The following KDM4C variants were observed in gnomAD, a reference collection of about 807,000 sequenced individuals.
KDM4C encodes the protein lysine-specific demethylase 4C.
Under a neutral mutation model 129.3 loss-of-function variants are expected in KDM4C, and 81 were observed. That is an observed-to-expected ratio of 0.63 (90% CI 0.52 to 0.75). KDM4C has a LOEUF of 0.75. Among genes scored for constraint, KDM4C ranks in the 30% least tolerant of loss-of-function variants. The probability of loss-of-function intolerance (pLI) is 0.00; values close to 1 mark genes in which losing one functional copy is unlikely to be tolerated. For missense variants in KDM4C, 1,457 were observed against 1,304.0 expected (o/e 1.12, Z -1.81); for synonymous variants, 573 against 456.1 (o/e 1.26, Z -3.26).
exon 1 of KDM4C, chr9:6,720,918 C>T: frequency 2.6e-6 from 4 of 1,547,466 alleles, no homozygotes; most frequent in Non-Finnish European, 3.5e-6. Context: ...GAGTGTTCTG[C>T]ATTCATGTGG....
At chr9:6,924,637 T>A in intron 8 of KDM4C, 1 of 462,898 alleles carries the variant, frequency 2.2e-6, no homozygotes, top group South Asian at 9.2e-5. Flanking sequence ...CTTAATTAGA[T>A]CTTCTCTGAT....
At chr9:6,974,277 G>C (rs1832547550) in intron 8 of KDM4C, among the ~76,000 whole-genome samples, 1 of 152,170 alleles carries the variant, frequency 6.6e-6, no homozygotes, top group Non-Finnish European at 1.5e-5. Context: ...CAGTATACCT[G>C]AACATTTTAA....
intron 6 of KDM4C, among the ~76,000 whole-genome samples, chr9:6,881,039 G>T (rs1433127271): frequency 6.6e-6 from 1 of 152,202 alleles, no homozygotes; most frequent in Non-Finnish European, 1.5e-5. Flanking sequence ...TTTTAGTCCA[G>T]TGCAGATCTA....
At chr9:6,753,625 C>G (rs536955550), upstream of KDM4C, among the ~76,000 whole-genome samples, 4 of 151,922 alleles carry the variant, frequency 2.6e-5, no homozygotes, top group African/African-American at 4.8e-5. Flanking sequence ...GTTCTAGAAG[C>G]TAGAAAGTCC....
chr9:6,935,380 T>G (rs1824580552), intron 8 of KDM4C, among the ~76,000 whole-genome samples: 1 of 152,132 alleles, frequency 6.6e-6, no homozygotes, highest in Non-Finnish European at 1.5e-5. Flanking sequence ...GTTCACATAT[T>G]TTTTAGCTAC....
At chr9:6,933,989 A>C (rs1824239826) in intron 8 of KDM4C, among the ~76,000 whole-genome samples, 1 of 151,966 alleles carries the variant, frequency 6.6e-6, no homozygotes, top group African/African-American at 2.4e-5. Flanking sequence ...AGCTGGAATT[A>C]TAGGTGTGCC....
At chr9:7,142,375 A>G (rs995344425) in intron 19 of KDM4C, among the ~76,000 whole-genome samples, 3 of 152,192 alleles carry the variant, frequency 2.0e-5, no homozygotes, top group African/African-American at 7.2e-5. Flanking sequence ...TGGCCTCCCA[A>G]AATGCTGGGA....
At chr9:6,793,156 A>C (rs1403264972) in intron 2 of KDM4C, 24 bp downstream of exon 2, 1 of 1,600,376 alleles carries the variant, frequency 6.2e-7, no homozygotes, top group African/African-American at 1.3e-5. Context: ...GATGCTTTAA[A>C]TGAAAAACAA....
At chr9:6,811,858 G>T (rs999224162) in intron 3 of KDM4C, among the ~76,000 whole-genome samples, 2 of 152,124 alleles carry the variant, frequency 1.3e-5, no homozygotes, top group Non-Finnish European at 2.9e-5. Flanking sequence ...GAGAGGTTCT[G>T]GGTAAGAAGA....
intron 12 of KDM4C, among the ~76,000 whole-genome samples, chr9:6,993,984 C>G (rs537119515): frequency 1.3e-5 from 2 of 152,160 alleles, no homozygotes; most frequent in South Asian, 2.1e-4. Flanking sequence ...CTTTTTAGCA[C>G]CAGGCACTGG....
At chr9:6,775,896 T>G (rs570349299) in intron 1 of KDM4C, among the ~76,000 whole-genome samples, 1 of 152,268 alleles carries the variant, frequency 6.6e-6, no homozygotes, top group South Asian at 2.1e-4. Flanking sequence ...CTTTTTTATG[T>G]TTAACAGCAT....
rs537882793 is a variant in KDM4C, at chr9:6,876,654, AGTGCCGTG to A, written c.630-3354_630-3347del. On this transcript the variant is annotated intron_variant, in intron 5 of 21. Transcript: ENST00000381309. ...AATTGCTGCAGTTGCCCATCAAAGT[AGTGCCGTG>A]GTGTAGGGTTAGCAGGGGTGCTGTT... 5.9e-5 allele frequency among the ~76,000 whole-genome samples: 9 copies of A among 152,288 alleles called. 1 individual carries two copies. In the Middle Eastern group the frequency reaches 0.01, roughly 173 times the overall value.
chr9:7,063,501 G>T (rs1165651552), intron 17 of KDM4C, among the ~76,000 whole-genome samples: 4 of 152,144 alleles, frequency 2.6e-5, no homozygotes, highest in African/African-American at 7.2e-5. Context: ...ATTCCTGGTG[G>T]TCTCTCACTT....
At chr9:6,922,496 CAG>C (rs1589123593) in intron 8 of KDM4C, among the ~76,000 whole-genome samples, 1 of 152,252 alleles carries the variant, frequency 6.6e-6, no homozygotes, top group Non-Finnish European at 1.5e-5. Flanking sequence ...CCTGTAATCC[CAG>C]CCCTTTGGGA....
At chr9:7,051,699 G>C (rs906733923) in intron 17 of KDM4C, among the ~76,000 whole-genome samples, 1 of 151,910 alleles carries the variant, frequency 6.6e-6, no homozygotes, top group Non-Finnish European at 1.5e-5. Context: ...TGGAGCTGTG[G>C]GCATTCCTTT....
intron 8 of KDM4C, among the ~76,000 whole-genome samples, chr9:6,917,249 G>A (rs1228600647): frequency 1.7e-5 from 2 of 118,762 alleles, no homozygotes; most frequent in African/African-American, 3.2e-5. Context: ...CATATTCTCA[G>A]TTTCAGGCAT....
chr9:7,172,183 C>T (rs7859811), intron 21 of KDM4C, among the ~76,000 whole-genome samples: 5 of 152,058 alleles, frequency 3.3e-5, no homozygotes, highest in Non-Finnish European at 5.9e-5. Context: ...GGAGGTTAGC[C>T]GCCCTTGTCA....
At chr9:7,145,336 TA>T in intron 19 of KDM4C, among the ~76,000 whole-genome samples, 1 of 152,184 alleles carries the variant, frequency 6.6e-6, no homozygotes, top group Non-Finnish European at 1.5e-5. Context: ...GCCTTGCCCA[TA>T]CTTCTAATGA....
intron 8 of KDM4C, chr9:6,978,712 A>C (rs1284901415): frequency 6.9e-6 from 1 of 144,226 alleles, no homozygotes; most frequent in Non-Finnish European, 1.6e-5. Context: ...AGCATCAAGC[A>C]AGACAGTCCT....
Sources: allele counts gnomAD v4.1 joint callset (sites outside exome capture counted in the v4.1 genomes callset), GRCh38; gene constraint gnomAD v4.1.1; transcripts MANE v1.5; gene names NCBI Gene and HGNC (gene_info 2026-07-23, HGNC 2026-07-21).